The following NEGR1 variants were observed in gnomAD, a reference collection of about 807,000 sequenced individuals.
NEGR1 encodes IgLON family member 4.
NEGR1 carries 10 observed loss-of-function variants against 40.9 expected under a neutral mutation model. That is an observed-to-expected ratio of 0.24 (90% confidence interval 0.15 to 0.42). NEGR1 has a LOEUF of 0.42. Among genes scored for constraint, NEGR1 ranks in the 10% least tolerant of loss-of-function variants. The pLI is 1.00. For missense variants in NEGR1, 352 were observed against 438.9 expected, an observed-to-expected ratio of 0.80 and a Z score of 1.77; for synonymous variants, 185 against 166.8, an observed-to-expected ratio of 1.11 and a Z score of -0.84.
At chr1:71,938,627 A>G (rs1645932083) in intron 1 of NEGR1, among the ~76,000 whole-genome samples, 2 of 152,058 alleles carry the variant, frequency 1.3e-5, no homozygotes, top group African/African-American at 4.8e-5. Context: ...AGCCAAGTAG[A>G]GGAGCATGAT....
intron 4 of NEGR1, among the ~76,000 whole-genome samples, chr1:71,622,283 T>C (rs887420970): frequency 2.6e-5 from 4 of 151,916 alleles, no homozygotes; most frequent in African/African-American, 7.2e-5. Context: ...TTTGGATATA[T>C]TGGACAAGTT....
At chr1:71,901,980 A>C (rs1225561352) in intron 2 of NEGR1, among the ~76,000 whole-genome samples, 1 of 152,096 alleles carries the variant, frequency 6.6e-6, no homozygotes, top group Non-Finnish European at 1.5e-5. Flanking sequence ...AGATATAAAC[A>C]TCTTATATTT....
intron 1 of NEGR1, among the ~76,000 whole-genome samples, chr1:72,036,902 G>A (rs1339976183): frequency 6.6e-6 from 1 of 152,026 alleles, no homozygotes. Context: ...AGTGTAAAAT[G>A]TGTGGCACAA....
intron 2 of NEGR1, among the ~76,000 whole-genome samples, chr1:71,815,800 C>G (rs1051881723): frequency 2.0e-5 from 3 of 151,986 alleles, no homozygotes; most frequent in Non-Finnish European, 1.5e-5. Context: ...TGGTAAAATC[C>G]ATCACGAACA....
intron 6 of NEGR1, among the ~76,000 whole-genome samples, chr1:71,444,102 T>C (rs1034194175): frequency 1.3e-5 from 2 of 152,194 alleles, no homozygotes; most frequent in African/African-American, 2.4e-5. Flanking sequence ...CTAATATGCA[T>C]AGAGTAACAT....
intron 4 of NEGR1, among the ~76,000 whole-genome samples, chr1:71,657,092 A>G (rs1424251857): frequency 1.3e-5 from 2 of 152,226 alleles, no homozygotes; most frequent in Non-Finnish European, 2.9e-5. Flanking sequence ...GATAAAGGAA[A>G]TCTGAAACAG....
chr1:71,888,342 G>A (rs917724503), intron 2 of NEGR1, among the ~76,000 whole-genome samples: 21 of 152,114 alleles, frequency 1.4e-4, no homozygotes, highest in African/African-American at 3.9e-4. Flanking sequence ...GACAGTGGGC[G>A]CAGGCCAGTG....
chr1:71,473,005 T>C (rs1646792423), intron 6 of NEGR1, among the ~76,000 whole-genome samples: 1 of 152,050 alleles, frequency 6.6e-6, no homozygotes. Context: ...GATAAAATAA[T>C]TTTAAAAATG....
At chr1:71,740,376 A>G (rs576288433) in intron 3 of NEGR1, among the ~76,000 whole-genome samples, 41 of 152,264 alleles carry the variant, frequency 2.7e-4, no homozygotes, top group Non-Finnish European at 4.9e-4. Context: ...GTTGTTAGAT[A>G]CTGAGATTAA....
At chr1:71,876,352 A>G (rs563175714) in intron 2 of NEGR1, among the ~76,000 whole-genome samples, 1 of 152,120 alleles carries the variant, frequency 6.6e-6, no homozygotes, top group East Asian at 1.9e-4. Context: ...CTCCACTACA[A>G]ATATATACAA....
At chr1:72,119,472 AG>A (rs879039655) in intron 1 of NEGR1, among the ~76,000 whole-genome samples, 3 of 151,964 alleles carry the variant, frequency 2.0e-5, no homozygotes, top group African/African-American at 4.8e-5. Flanking sequence ...TAAAAAAATG[AG>A]GGGGGCATAA....
intron 1 of NEGR1, among the ~76,000 whole-genome samples, chr1:72,038,658 G>T (rs1355963524): frequency 6.6e-6 from 1 of 151,936 alleles, no homozygotes; most frequent in East Asian, 1.9e-4. Context: ...CACTTCATTA[G>T]TTCACAGTGA....
intron 1 of NEGR1, among the ~76,000 whole-genome samples, chr1:72,046,635 C>T (rs1351230826): frequency 6.6e-6 from 1 of 151,504 alleles, no homozygotes; most frequent in Non-Finnish European, 1.5e-5. Flanking sequence ...CCATTAAAGA[C>T]AAACAAATCT....
chr1:72,178,717 G>GTT (rs201080397), intron 1 of NEGR1, among the ~76,000 whole-genome samples: 4 of 149,854 alleles, frequency 2.7e-5, no homozygotes, highest in African/African-American at 9.8e-5. Context: ...GTTTTGTTTT[G>GTT]TTTTTTTTAA....
intron 1 of NEGR1, among the ~76,000 whole-genome samples, chr1:72,194,177 T>C (rs1430269227): frequency 6.6e-6 from 1 of 151,858 alleles, no homozygotes; most frequent in Non-Finnish European, 1.5e-5. Flanking sequence ...GACCAAATGT[T>C]TGTCTTACTT....
chr1:72,013,819 T>A (rs2100406866), intron 1 of NEGR1, among the ~76,000 whole-genome samples: 1 of 145,394 alleles, frequency 6.9e-6, no homozygotes, highest in East Asian at 2.3e-4. Context: ...TGACATTTAG[T>A]ACTTAATTAA....
chr1:71,724,780 T>C (rs1216174376), intron 3 of NEGR1, among the ~76,000 whole-genome samples: 1 of 152,178 alleles, frequency 6.6e-6, no homozygotes, highest in Admixed American at 6.6e-5. Flanking sequence ...TTGCTTCATA[T>C]GTCAGGGAAT....
chr1:72,238,330 A>C (rs1406750783), intron 1 of NEGR1, among the ~76,000 whole-genome samples: 1 of 151,950 alleles, frequency 6.6e-6, no homozygotes, highest in African/African-American at 2.4e-5. Flanking sequence ...AATGGTAATA[A>C]TTAAAATACA....
chr1:72,057,994 A>G (rs1211181893), intron 1 of NEGR1, among the ~76,000 whole-genome samples: 1 of 151,426 alleles, frequency 6.6e-6, no homozygotes, highest in African/African-American at 2.4e-5. Context: ...GATCACAGTT[A>G]GGTCCCTGGC....
Sources: gnomAD v4.1 joint callset for allele counts (sites outside exome capture counted in the v4.1 genomes callset) on GRCh38, gnomAD v4.1.1 for gene constraint, MANE v1.5 for transcripts, NCBI Gene and HGNC (gene_info 2026-07-23, HGNC 2026-07-21) for gene names.